Variants in RAPGEF4 observed in about 807,000 individuals in gnomAD.
RAPGEF4 encodes RAP guanine-nucleotide-exchange factor (GEF) 4.
Under a neutral mutation model 147.9 loss-of-function variants are expected in RAPGEF4, and 66 were observed. The observed-to-expected ratio is 0.45, with a 90% CI of 0.37 to 0.55. The LOEUF (loss-of-function observed/expected upper bound fraction) is 0.55. Ranked by LOEUF, RAPGEF4 falls within the 20% of genes least tolerant of loss-of-function variation. The pLI is 0.00. For synonymous variants in RAPGEF4, 419 were observed against 442.7 expected (o/e 0.95, Z 0.67); for missense variants, 1,071 against 1,257.3 (o/e 0.85, Z 2.24).
chr2:172,830,227 A>G (rs919591138), intron 4 of RAPGEF4, among the ~76,000 whole-genome samples: 1 of 152,360 alleles, frequency 6.6e-6, no homozygotes, highest in Middle Eastern at 3.4e-3. Context: ...CTTGTCATCA[A>G]GCTTTAAGGC....
At chr2:173,048,562 T>A in intron 29 of RAPGEF4, 38 bp from the exon 30 acceptor site, 1 of 1,613,778 alleles carries the variant, frequency 6.2e-7, no homozygotes, top group Non-Finnish European at 8.5e-7. Context: ...CTACGCTTAC[T>A]TGAATTTCTA....
chr2:172,743,447 CTAT>C (rs1559017521), intron 1 of RAPGEF4, among the ~76,000 whole-genome samples: 12 of 152,344 alleles, frequency 7.9e-5, no homozygotes, highest in South Asian at 2.1e-4. Context: ...CTTGGCGCAA[CTAT>C]CTGTTTCCTT....
At chr2:173,047,786 C>A (rs1000353600) in intron 29 of RAPGEF4, among the ~76,000 whole-genome samples, 1 of 152,114 alleles carries the variant, frequency 6.6e-6, no homozygotes, top group Non-Finnish European at 1.5e-5. Context: ...ACGCCATTCT[C>A]CTGCCTCAGC....
intron 1 of RAPGEF4, 34 bp downstream of exon 1, chr2:172,736,082 C>A: frequency 6.9e-7 from 1 of 1,440,044 alleles, no homozygotes; most frequent in South Asian, 1.3e-5. Flanking sequence ...GGGGGCCGAG[C>A]TCTGCGGTGC....
chr2:172,904,456 G>C lies in RAPGEF4; in HGVS notation c.445-13346G>C, dbSNP rs565864511. Among the ~76,000 whole-genome samples the C allele has an allele frequency of 2.6e-5, 4 of 152,310 alleles. No homozygotes were observed. The South Asian group carries it at 6.2e-4, about 24-fold the overall frequency. ...CAATTAAGTAGCATTGACCTACTGT[G>C]TGTGTCTTGCTCTCAACTTGAGCTT... is the stretch of plus-strand genomic sequence containing the variant. On this transcript the variant is annotated intron_variant, in intron 4 of 30. Coordinates refer to ENST00000397081, the MANE Select transcript of RAPGEF4 (RefSeq NM_007023.4).
intron 26 of RAPGEF4, among the ~76,000 whole-genome samples, chr2:173,032,862 T>C (rs1048939791): frequency 1.2e-4 from 19 of 152,242 alleles, no homozygotes; most frequent in Non-Finnish European, 1.9e-4. Flanking sequence ...CTGTTGAAGG[T>C]AGGCTTCACT....
intron 29 of RAPGEF4, among the ~76,000 whole-genome samples, chr2:173,040,378 A>G (rs1478123222): frequency 6.6e-6 from 1 of 152,124 alleles, no homozygotes; most frequent in East Asian, 1.9e-4. Context: ...TGCTGTTGTT[A>G]CTGTGGGTCT....
At chr2:172,991,501 C>T (rs1352178140) in intron 15 of RAPGEF4, among the ~76,000 whole-genome samples, 1 of 152,192 alleles carries the variant, frequency 6.6e-6, no homozygotes, top group Non-Finnish European at 1.5e-5. Context: ...GAGTCTTTTT[C>T]AGCATACCGA....
chr2:173,001,996 A>AAAAAAAAAAAAAAAAAC (rs1693979150), intron 17 of RAPGEF4, among the ~76,000 whole-genome samples: 1 of 116,998 alleles, frequency 8.5e-6, no homozygotes, highest in African/African-American at 4.4e-5. Flanking sequence ...ATGCTGGCAA[A>AAAAAAAAAAAAAAAAAC]AAAAAAAAAA....
rs1435698518 is a variant in RAPGEF4, at chr2:172,988,681, T to C, written c.1228-12T>C. ...AGGGATCTTCTTCATCTGTGTGCTC[T>C]ACTCTATCCAGGGTGTGGTCTGCAC... On this transcript the variant is annotated splice_polypyrimidine_tract_variant and intron_variant, in intron 13 of 30. Coordinates refer to ENST00000397081, the MANE Select transcript of RAPGEF4 (RefSeq NM_007023.4). 1.2e-6 allele frequency: 2 copies of C among 1,609,234 alleles called. No individual in the cohort carries two copies. Among genetic ancestry groups the C allele is most frequent in the Non-Finnish European group, 8.5e-7 (1 of 1,175,782 alleles).
At chr2:172,876,147 G>A (rs1695891407) in intron 4 of RAPGEF4, among the ~76,000 whole-genome samples, 1 of 152,018 alleles carries the variant, frequency 6.6e-6, no homozygotes, top group South Asian at 2.1e-4. Flanking sequence ...GGAGATTTTG[G>A]GCTGAGACGA....
chr2:173,014,745 A>G (rs984103334), intron 18 of RAPGEF4, 131 bp downstream of exon 18: 3 of 887,592 alleles, frequency 3.4e-6, no homozygotes, highest in African/African-American at 1.7e-5. Context: ...TTCATTCATC[A>G]GAAAGGAACT....
chr2:173,010,170 G>A (rs531780445), intron 17 of RAPGEF4, among the ~76,000 whole-genome samples: 10 of 152,222 alleles, frequency 6.6e-5, no homozygotes, highest in Non-Finnish European at 1.3e-4. Flanking sequence ...GAGATCCTGT[G>A]ATTCCATGAC....
intron 4 of RAPGEF4, among the ~76,000 whole-genome samples, chr2:172,842,122 G>T (rs549048727): frequency 6.6e-6 from 1 of 152,098 alleles, no homozygotes; most frequent in Admixed American, 6.6e-5. Context: ...GTGGGGAAAG[G>T]GTTCTTAAGA....
intron 10 of RAPGEF4, among the ~76,000 whole-genome samples, chr2:172,971,063 G>A (rs10497387): frequency 0.054 from 8,152 of 151,416 alleles, 285 homozygotes; most frequent in South Asian, 0.076. Context: ...TTGCCCTATA[G>A]CAAGTAGATA....
rs146346995 is a variant in RAPGEF4 at position 172,845,268 on chromosome 2, A to G, written c.444+30843A>G. On this transcript the variant is annotated intron_variant, in intron 4 of 30. Transcript: ENST00000397081. ...AGCAGCAAGTGTTTCATAATATGCC[A>G]TGGCTAACCACATTACAGGAGAAGT... 7.8e-3 allele frequency among the ~76,000 whole-genome samples: 1,192 copies of G among 152,288 alleles called. 5 individuals carry two copies. The highest frequency in any genetic ancestry group is 0.012 in the Non-Finnish European group (793 of 68,002).
intron 6 of RAPGEF4, among the ~76,000 whole-genome samples, chr2:172,955,789 T>C (rs1368953884): frequency 6.6e-6 from 1 of 151,982 alleles, no homozygotes; most frequent in Non-Finnish European, 1.5e-5. Context: ...GCAGGAAGAG[T>C]ATCCGGGAGG....
In RAPGEF4 at chr2:172,776,746, T is replaced by C. The variant is rs375203172; in HGVS notation, c.66-18279T>C. ...AAGTCCATACAGTGAATTTTTTTCATATTTTGTATTTTTAAGTTTTAGAAT... is the reference window on the plus strand; with the variant it reads ...AAGTCCATACAGTGAATTTTTTTCACATTTTGTATTTTTAAGTTTTAGAAT... On this transcript the variant is annotated intron_variant, in intron 1 of 30. Transcript: ENST00000397081. Among the ~76,000 whole-genome samples, 3 of 152,180 alleles carry C rather than the reference T, an allele frequency of 2.0e-5. No individual in the cohort carries two copies. In the East Asian group the frequency reaches 5.8e-4, roughly 29 times the overall value.
At chr2:173,009,842 C>T (rs751960218) in intron 17 of RAPGEF4, among the ~76,000 whole-genome samples, 26 of 152,300 alleles carry the variant, frequency 1.7e-4, no homozygotes, top group Middle Eastern at 3.4e-3. Flanking sequence ...TCTTGATTTT[C>T]TGCATGTGCT....
Sources: allele counts gnomAD v4.1 joint callset (sites outside exome capture counted in the v4.1 genomes callset), GRCh38; gene constraint gnomAD v4.1.1; transcripts MANE v1.5; gene names NCBI Gene and HGNC (gene_info 2026-07-23, HGNC 2026-07-21).